The following RNPC3 variants were observed in gnomAD, a reference collection of about 807,000 sequenced individuals.
RNPC3 encodes RNA binding region (RNP1, RRM) containing 3.
A neutral mutation model predicts 67.5 loss-of-function variants in RNPC3; 48 were observed. That is an observed-to-expected ratio of 0.71 (90% CI 0.56 to 0.90). The LOEUF (loss-of-function observed/expected upper bound fraction) is 0.90, where lower values mean the gene tolerates loss of function less well. Among genes scored for constraint, RNPC3 ranks in the 40% least tolerant of loss-of-function variants. The pLI, the probability that RNPC3 is intolerant of heterozygous loss-of-function variation, is 0.00. For synonymous variants in RNPC3, 239 were observed against 210.3 expected (o/e 1.14, Z -1.18); for missense variants, 637 against 626.1 (o/e 1.02, Z -0.19).
rs750389014 is a variant in RNPC3, at chr1:103,526,245, T to C, written c.175T>C (p.Ser59Pro). Residue 59 changes from serine (S) to proline (P), a missense_variant, in exon 1 of 15, where the codon TCA becomes CCA. By Grantham distance (74) the Ser-to-Pro change is moderately conservative. Transcript: ENST00000423855. ...YFGAQSVRVL[S>P]DKGRLKHTAF... is the part of the protein sequence containing the mutation. ...CGGGGCTCAGTCTGTGCGGGTCCTG[T>C]CAGATAAGGGGCGACTGGTAAGGGC... 6.5e-7 allele frequency: 1 copy of C among 1,548,042 alleles called. No individual in the cohort carries two copies. Among genetic ancestry groups the C allele is most frequent in the Non-Finnish European group, 8.7e-7 (1 of 1,145,222 alleles).
rs1430484104 is a variant in RNPC3 at position 103,526,106 on chromosome 1, G to A, written c.36G>A (p.Arg12=). 6.5e-7 allele frequency: 1 copy of A among 1,550,316 alleles called. No homozygotes were observed. The change falls in exon 1 of 15, where the codon AGG becomes AGA. Residue 12 remains arginine (R), a synonymous_variant. Coordinates refer to ENST00000423855, the MANE Select transcript of RNPC3 (RefSeq NM_017619.4). ...AAPEQPLAIS[R]GCTSSSSLSP... ...CCGAGCAGCCGCTTGCGATATCAAG[G>A]GGATGCACGAGCTCCTCCTCGCTTT...
At chr1:103,550,904 T>G (rs1275508923) in intron 12 of RNPC3, 37 bp from the exon 13 acceptor site, 1 of 1,601,170 alleles carries the variant, frequency 6.2e-7, no homozygotes, top group East Asian at 2.2e-5. Context: ...ACATTGAAAC[T>G]GACATTCTTT....
chr1:103,551,883 C>A, intron 14 of RNPC3, 91 bp downstream of exon 14: 8 of 606,846 alleles, frequency 1.3e-5, no homozygotes, highest in Admixed American at 3.8e-5. Context: ...ATTCAGGTAT[C>A]TCTTTTTTTT....
intron 7 of RNPC3, among the ~76,000 whole-genome samples, chr1:103,540,066 C>G (rs1335181013): frequency 6.6e-6 from 1 of 152,110 alleles, no homozygotes; most frequent in East Asian, 1.9e-4. Context: ...AGGGTTTCAC[C>G]ATGTTGCACA....
At chr1:103,550,847 T>G (rs973671441) in intron 12 of RNPC3, 94 bp from the exon 13 acceptor site, 2 of 1,298,652 alleles carry the variant, frequency 1.5e-6, no homozygotes, top group African/African-American at 3.0e-5. Flanking sequence ...TGTAGTCACT[T>G]TTATTTGAAA....
chr1:103,553,864 C>G (rs1198733771), intron 14 of RNPC3: 1 of 151,968 alleles, frequency 6.6e-6, no homozygotes, highest in Non-Finnish European at 1.5e-5. Flanking sequence ...TTCTTCTTTC[C>G]CCTTTCTTTT....
intron 2 of RNPC3, among the ~76,000 whole-genome samples, chr1:103,532,973 G>T (rs1650895674): frequency 1.3e-5 from 2 of 151,998 alleles, no homozygotes; most frequent in African/African-American, 4.8e-5. Flanking sequence ...TAGGATGGGA[G>T]AAATAGGAGC....
chr1:103,553,775 G>A (rs1012958226), intron 14 of RNPC3: 2 of 152,214 alleles, frequency 1.3e-5, no homozygotes, highest in African/African-American at 4.8e-5. Context: ...GGATTACTAT[G>A]TAAATTCTAG....
At chr1:103,554,516 A>T (rs1404755322) in intron 14 of RNPC3, 1 of 152,624 alleles carries the variant, frequency 6.6e-6, no homozygotes, top group Non-Finnish European at 1.5e-5. Flanking sequence ...TTTATGCATA[A>T]AGATTCCTGT....
chr1:103,533,084 T>C (rs903917338), intron 2 of RNPC3, among the ~76,000 whole-genome samples: 1 of 151,956 alleles, frequency 6.6e-6, no homozygotes, highest in Admixed American at 6.6e-5. Context: ...TTCCAGAGCA[T>C]AGCTAAGTAA....
At chr1:103,531,489 A>G (rs1490119274) in intron 2 of RNPC3, among the ~76,000 whole-genome samples, 1 of 152,184 alleles carries the variant, frequency 6.6e-6, no homozygotes, top group Non-Finnish European at 1.5e-5. Flanking sequence ...CACTTTCACC[A>G]CATATTCTGC....
In RNPC3 at chr1:103,528,458, C is replaced by A. The variant is rs545990560; in HGVS notation, c.240+716C>A. The stretch of plus-strand genomic sequence containing the variant: ...CTATCTGAAGAAGACAGTAAGAAGA[C>A]AAAGGGGGAAGTAAATATATATTCA... On this transcript the variant is annotated intron_variant, in intron 2 of 14. Coordinates refer to ENST00000423855, the MANE Select transcript of RNPC3 (RefSeq NM_017619.4). 2.6e-5 allele frequency among the ~76,000 whole-genome samples: 4 copies of A among 152,054 alleles called. No homozygotes were observed. The East Asian group carries it at 7.7e-4, about 29-fold the overall frequency.
chr1:103,537,250 T>C (rs529604980), intron 6 of RNPC3, 92 bp from the exon 7 acceptor site: 5 of 847,378 alleles, frequency 5.9e-6, no homozygotes, highest in African/African-American at 3.5e-5. Context: ...AAAAAGACCA[T>C]GTGATAGAAA....
At chr1:103,537,149 G>T (rs1161151449) in intron 6 of RNPC3, among the ~76,000 whole-genome samples, 193 bp from the exon 7 acceptor site, 1 of 151,744 alleles carries the variant, frequency 6.6e-6, no homozygotes, top group Non-Finnish European at 1.5e-5. Context: ...GTTCAGCTGA[G>T]GGTAAAGGAA....
chr1:103,534,408 C>T (rs1023659568), intron 3 of RNPC3, among the ~76,000 whole-genome samples: 5 of 152,000 alleles, frequency 3.3e-5, no homozygotes, highest in Non-Finnish European at 5.9e-5. Context: ...TTAATAAACT[C>T]TCCAAGTGAT....
At chr1:103,544,766 A>C (rs913580244) in intron 9 of RNPC3, among the ~76,000 whole-genome samples, 175 bp from the exon 10 acceptor site, 1 of 149,316 alleles carries the variant, frequency 6.7e-6, no homozygotes, top group African/African-American at 2.5e-5. Context: ...TTTTTTTTTT[A>C]CTATTTGGAC....
intron 12 of RNPC3, among the ~76,000 whole-genome samples, chr1:103,548,198 G>T (rs1421615388): frequency 6.6e-6 from 1 of 152,052 alleles, no homozygotes; most frequent in Non-Finnish European, 1.5e-5. Flanking sequence ...ATTTTCTTGG[G>T]GATTAACATT....
intron 7 of RNPC3, 74 bp downstream of exon 7, chr1:103,537,558 A>C: frequency 8.0e-7 from 1 of 1,257,462 alleles, no homozygotes; most frequent in Non-Finnish European, 1.1e-6. Flanking sequence ...CTCTCCCTAG[A>C]TTTTGTGTGT....
intron 1 of RNPC3, among the ~76,000 whole-genome samples, chr1:103,527,451 T>C (rs1650747477): frequency 6.6e-6 from 1 of 152,250 alleles, no homozygotes; most frequent in South Asian, 2.1e-4. Flanking sequence ...TCTTTTGAAC[T>C]ATTTGCATGT....
Sources: gnomAD v4.1 joint callset for allele counts (sites outside exome capture counted in the v4.1 genomes callset) on GRCh38, gnomAD v4.1.1 for gene constraint, MANE v1.5 for transcripts, NCBI Gene and HGNC (gene_info 2026-07-23, HGNC 2026-07-21) for gene names.